The following PRIMPOL variants were observed in gnomAD, a reference collection of about 807,000 sequenced individuals.
The protein encoded by PRIMPOL is DNA-directed primase/polymerase protein.
In PRIMPOL, 54 loss-of-function variants were observed where a neutral mutation model predicts 63.6. The ratio of observed to expected loss-of-function variants is 0.85; its 90% CI spans 0.68 to 1.07. The LOEUF is 1.07. Among genes scored for constraint, PRIMPOL ranks in the 50% least tolerant of loss-of-function variants. The pLI is 0.00. For missense variants in PRIMPOL, 610 were observed against 648.3 expected (o/e 0.94, Z 0.64); for synonymous variants, 197 against 220.2 (o/e 0.89, Z 0.93).
rs1195704139 is a variant in PRIMPOL, at chr4:184,658,642, A to G, written c.181-698A>G. On this transcript the variant is annotated intron_variant, in intron 3 of 13. Coordinates refer to ENST00000314970, the MANE Select transcript of PRIMPOL (RefSeq NM_152683.4). ...TGGTTCCGGCTGGGTGCGGTGGCTC[A>G]TGCCTGTAATCCCAGCACTTTAGGA... Among the ~76,000 whole-genome samples, 3 of 152,304 alleles carry G rather than the reference A, an allele frequency of 2.0e-5. No individual in the cohort carries two copies. In the East Asian group the frequency reaches 5.8e-4, roughly 29 times the overall value.
chr4:184,678,000 A>C (rs980365995), intron 7 of PRIMPOL, among the ~76,000 whole-genome samples: 1 of 152,202 alleles, frequency 6.6e-6, no homozygotes, highest in African/African-American at 2.4e-5. Context: ...CATTTGTTTC[A>C]GTTGCAGAAT....
chr4:184,669,656 G>A (rs1389907337), intron 6 of PRIMPOL, among the ~76,000 whole-genome samples: 1 of 152,262 alleles, frequency 6.6e-6, no homozygotes, highest in Non-Finnish European at 1.5e-5. Context: ...TGGGCTTTCA[G>A]TAAGATTTCA....
intron 11 of PRIMPOL, 25 bp downstream of exon 11, chr4:184,685,709 G>A: frequency 1.0e-6 from 1 of 1,002,606 alleles, no homozygotes; most frequent in Non-Finnish European, 1.5e-6. Flanking sequence ...TGATTTGTGT[G>A]TATTTAACCA....
chr4:184,659,377 A>G lies in PRIMPOL; in HGVS notation c.218A>G (p.Asp73Gly). Residue 73 changes from aspartate to glycine, a missense_variant, in exon 4 of 14, where the codon GAT becomes GGT. This residue lies in a region of PRIMPOL where 159 missense variants were observed against 168.9 expected (regional missense o/e 0.94). Coordinates refer to ENST00000314970, the MANE Select transcript of PRIMPOL (RefSeq NM_152683.4). ...TTTGCTTTGGAATGCAAAGTAGGAG[A>G]TGGACAACGTATTTACCTTGTGACA... ...HVFALECKVG[D>G]GQRIYLVTTY... 6.2e-7 allele frequency: 1 copy of G among 1,613,998 alleles called. No homozygotes were observed.
intron 2 of PRIMPOL, among the ~76,000 whole-genome samples, chr4:184,655,697 A>G (rs1396458492): frequency 2.6e-5 from 4 of 152,172 alleles, no homozygotes; most frequent in Admixed American, 1.3e-4. Flanking sequence ...GTGTTGCTGC[A>G]AAGTTTTCTG....
chr4:184,686,712 G>A (rs1350466339), intron 11 of PRIMPOL, among the ~76,000 whole-genome samples: 3 of 152,106 alleles, frequency 2.0e-5, no homozygotes, highest in Admixed American at 6.5e-5. Context: ...TATGCGGCCT[G>A]TGTGCTGGAC....
intron 11 of PRIMPOL, among the ~76,000 whole-genome samples, chr4:184,688,763 G>A (rs1415023435): frequency 3.9e-5 from 6 of 152,162 alleles, no homozygotes; most frequent in East Asian, 1.9e-4. Context: ...AGTCAGAAAC[G>A]TCCTACGAAG....
intron 6 of PRIMPOL, among the ~76,000 whole-genome samples, chr4:184,667,922 T>G (rs1376803438): frequency 2.0e-5 from 3 of 152,194 alleles, no homozygotes; most frequent in Admixed American, 2.0e-4. Flanking sequence ...GCATGAGCCG[T>G]GTGGTTTGTT....
intron 7 of PRIMPOL, among the ~76,000 whole-genome samples, chr4:184,675,528 A>G (rs1268113176): frequency 6.6e-6 from 1 of 152,104 alleles, no homozygotes; most frequent in Non-Finnish European, 1.5e-5. Flanking sequence ...ATTTTCCAAT[A>G]TCCTTATTGA....
intron 11 of PRIMPOL, 41 bp downstream of exon 11, chr4:184,685,725 A>G (rs745350115): frequency 2.5e-5 from 20 of 801,890 alleles, no homozygotes; most frequent in Non-Finnish European, 3.6e-5. Context: ...AACCAATATT[A>G]TATTTTAAAT....
intron 7 of PRIMPOL, among the ~76,000 whole-genome samples, chr4:184,674,569 C>G (rs1338969835): frequency 6.6e-6 from 1 of 152,182 alleles, no homozygotes; most frequent in Non-Finnish European, 1.5e-5. Flanking sequence ...GGGGAACCAA[C>G]TTCTCTATGC....
At chr4:184,681,190 T>C (rs1755525528) in intron 8 of PRIMPOL, among the ~76,000 whole-genome samples, 1 of 152,156 alleles carries the variant, frequency 6.6e-6, no homozygotes, top group Non-Finnish European at 1.5e-5. Flanking sequence ...GAATGTACCT[T>C]TTCTTTCCGT....
intron 7 of PRIMPOL, among the ~76,000 whole-genome samples, chr4:184,676,117 A>C (rs1753253427): frequency 6.6e-6 from 1 of 151,776 alleles, no homozygotes. Flanking sequence ...GTTTATGTTT[A>C]ATTTATTATT....
chr4:184,660,308 G>A (rs888614726), intron 4 of PRIMPOL, among the ~76,000 whole-genome samples: 1 of 151,714 alleles, frequency 6.6e-6, no homozygotes, highest in South Asian at 2.1e-4. Flanking sequence ...AGTCTCCCAA[G>A]TAGCTGGGAT....
intron 6 of PRIMPOL, among the ~76,000 whole-genome samples, chr4:184,668,210 C>G (rs936044937): frequency 6.6e-6 from 1 of 152,256 alleles, no homozygotes; most frequent in Non-Finnish European, 1.5e-5. Context: ...ATGGTTCCAA[C>G]TTGGCATGTC....
chr4:184,657,288 CAAGCTTTTAATTTTGTTAAAAGCTGTA>C lies in PRIMPOL; in HGVS notation c.152_178del (p.Ala51_Lys59del). 6.2e-7 allele frequency: 1 copy of C among 1,611,786 alleles called. No homozygotes were observed. The highest frequency in any genetic ancestry group is 1.1e-5 in the South Asian group (1 of 90,554). On this transcript the variant is annotated inframe_deletion, in exon 3 of 14. Coordinates refer to ENST00000314970, the MANE Select transcript of PRIMPOL (RefSeq NM_152683.4). ...CTGGAGACTATTTCATCGACAAGCT[CAAGCTTTTAATTTTGTTAAAAGCTGTA>C]AAGAAGTAATTTCCTCCTCCTCCTC...
intron 6 of PRIMPOL, among the ~76,000 whole-genome samples, chr4:184,671,508 T>C (rs1201475050): frequency 6.6e-6 from 1 of 152,178 alleles, no homozygotes; most frequent in Admixed American, 6.5e-5. Flanking sequence ...AATCATTGAA[T>C]GTGAAGATGA....
At chr4:184,663,761 C>T (rs893427992) in intron 5 of PRIMPOL, among the ~76,000 whole-genome samples, 3 of 152,158 alleles carry the variant, frequency 2.0e-5, no homozygotes, top group African/African-American at 7.2e-5. Flanking sequence ...TAGAACAGTT[C>T]TCATTGGATT....
intron 9 of PRIMPOL, among the ~76,000 whole-genome samples, chr4:184,683,704 A>G (rs757275122): frequency 6.6e-5 from 10 of 151,940 alleles, no homozygotes; most frequent in Admixed American, 4.6e-4. Flanking sequence ...CCATTCCTCT[A>G]CTGAAGAACA....
Sources: allele counts gnomAD v4.1 joint callset (sites outside exome capture counted in the v4.1 genomes callset), GRCh38; gene constraint gnomAD v4.1.1; regional missense constraint gnomAD v4.1.1; transcripts MANE v1.5; gene names NCBI Gene and HGNC (gene_info 2026-07-23, HGNC 2026-07-21).